The following MEIS2 variants were observed in gnomAD, a reference collection of about 807,000 sequenced individuals.
MEIS2 encodes homeobox protein Meis2.
Under a neutral mutation model 58.6 loss-of-function variants are expected in MEIS2, and 9 were observed. That is an observed-to-expected ratio of 0.15 (90% CI 0.09 to 0.27). The LOEUF is 0.27. MEIS2 is among the 10% of genes least tolerant of loss of function. The probability of loss-of-function intolerance (pLI) is 1.00; values close to 1 mark genes in which losing one functional copy is unlikely to be tolerated. For synonymous variants in MEIS2, 221 were observed against 228.4 expected (o/e 0.97, Z 0.29); for missense variants, 427 against 635.0 (o/e 0.67, Z 3.52).
intron 8 of MEIS2, among the ~76,000 whole-genome samples, chr15:36,953,219 G>T (rs1229300067): frequency 6.6e-6 from 1 of 152,094 alleles, no homozygotes; most frequent in East Asian, 1.9e-4. Context: ...TACATTTAAG[G>T]CCAAACTGTG....
chr15:37,074,652 G>T (rs191982197), intron 7 of MEIS2, among the ~76,000 whole-genome samples: 1 of 151,900 alleles, frequency 6.6e-6, no homozygotes, highest in African/African-American at 2.4e-5. Flanking sequence ...AGGAACCAAC[G>T]GTTACTGGTT....
At chr15:37,018,098 G>A (rs2061410177) in intron 8 of MEIS2, among the ~76,000 whole-genome samples, 1 of 152,124 alleles carries the variant, frequency 6.6e-6, no homozygotes, top group South Asian at 2.1e-4. Flanking sequence ...AATGGAGACT[G>A]TTAACAAGTT....
At chr15:36,970,319 G>A (rs893026079) in intron 8 of MEIS2, among the ~76,000 whole-genome samples, 16 of 151,822 alleles carry the variant, frequency 1.1e-4, no homozygotes, top group Non-Finnish European at 1.8e-4. Flanking sequence ...CAGGAGAATG[G>A]CGTGAACCCG....
chr15:37,023,995 C>T (rs972216972), intron 8 of MEIS2, among the ~76,000 whole-genome samples: 6 of 150,744 alleles, frequency 4.0e-5, no homozygotes, highest in South Asian at 2.1e-4. Context: ...CTGCAACCTC[C>T]GCCCCCAGGG....
rs1176206096 is a variant in MEIS2 at position 37,074,432 on chromosome 15, G to A, written c.754+9339C>T. Among the ~76,000 whole-genome samples, 3 of 151,894 alleles carry A rather than the reference G, an allele frequency of 2.0e-5. No individual in the cohort carries two copies. The East Asian group carries it at 5.8e-4, about 29-fold the overall frequency. On this transcript the variant is annotated intron_variant, in intron 7 of 11. Coordinates refer to ENST00000561208, the MANE Select transcript of MEIS2 (RefSeq NM_170675.5). ...TTATACCCCAGATGAAAAGCTTGTG[G>A]CCTCCCTTTATGTTAAAAGATAAAA...
intron 9 of MEIS2, among the ~76,000 whole-genome samples, chr15:36,911,887 A>T (rs985474803): frequency 6.6e-6 from 1 of 152,216 alleles, no homozygotes; most frequent in Admixed American, 6.5e-5. Flanking sequence ...TGGCAAAGCA[A>T]TTCTTAAAAT....
At chr15:36,983,834 C>T (rs558821617) in intron 8 of MEIS2, among the ~76,000 whole-genome samples, 1 of 152,132 alleles carries the variant, frequency 6.6e-6, no homozygotes, top group South Asian at 2.1e-4. Context: ...CCATGTTCTA[C>T]AGTTTTTTAG....
At chr15:37,036,687 G>T in intron 8 of MEIS2, 127 bp downstream of exon 8, 2 of 1,064,670 alleles carry the variant, frequency 1.9e-6, no homozygotes, top group Non-Finnish European at 1.3e-6. Context: ...TAACTAGTCT[G>T]TTAGTCATCA....
chr15:36,933,831 G>A (rs2058068750), intron 9 of MEIS2, among the ~76,000 whole-genome samples: 1 of 152,136 alleles, frequency 6.6e-6, no homozygotes, highest in Non-Finnish European at 1.5e-5. Flanking sequence ...ACTCATAAGG[G>A]TGTTAGGAAA....
chr15:36,971,818 A>T (rs746605984), intron 8 of MEIS2, among the ~76,000 whole-genome samples: 1 of 152,182 alleles, frequency 6.6e-6, no homozygotes, highest in Non-Finnish European at 1.5e-5. Flanking sequence ...TTCTTCATAA[A>T]GGGAGATTTT....
At chr15:36,918,359 G>T (rs1205178302) in intron 9 of MEIS2, among the ~76,000 whole-genome samples, 1 of 152,264 alleles carries the variant, frequency 6.6e-6, no homozygotes, top group Non-Finnish European at 1.5e-5. Flanking sequence ...CTCCTCAAAT[G>T]TAAAATGAGA....
intron 11 of MEIS2, among the ~76,000 whole-genome samples, chr15:36,894,072 T>C (rs1416832499): frequency 6.6e-6 from 1 of 152,198 alleles, no homozygotes; most frequent in East Asian, 1.9e-4. Flanking sequence ...ATCCATTCCT[T>C]CATATTCAGT....
intron 7 of MEIS2, among the ~76,000 whole-genome samples, chr15:37,058,642 G>T (rs903220920): frequency 2.6e-5 from 4 of 152,222 alleles, no homozygotes; most frequent in African/African-American, 9.6e-5. Context: ...AGGTCTAAAT[G>T]ATTTCTGCAT....
chr15:36,970,508 A>C (rs556220101), intron 8 of MEIS2, among the ~76,000 whole-genome samples: 104 of 152,254 alleles, frequency 6.8e-4, no homozygotes, highest in African/African-American at 2.5e-3. Flanking sequence ...ATCTCCCTAC[A>C]AGAAATCAGA....
chr15:36,896,772 T>C, intron 9 of MEIS2, 86 bp from the exon 10 acceptor site: 1 of 1,015,050 alleles, frequency 9.9e-7, no homozygotes, highest in East Asian at 2.4e-5. Flanking sequence ...GAGCACAAAA[T>C]ACAGTCAAAT....
At chr15:37,069,448 C>A (rs147340995) in intron 7 of MEIS2, among the ~76,000 whole-genome samples, 1 of 152,174 alleles carries the variant, frequency 6.6e-6, no homozygotes, top group Non-Finnish European at 1.5e-5. Context: ...TTTTTCTCAT[C>A]ATATGGCAAA....
At position 36,890,127 on chromosome 15, in the gene MEIS2, T is replaced by C. The variant is rs991231460; in HGVS notation, c.*2046A>G. ...TCCAAGTTTAAGTTTGCAGAGATGA[T>C]GAATAATTTCCTTAGCCGGTTGACA... is the stretch of plus-strand genomic sequence containing the variant. On this transcript the variant is annotated 3_prime_UTR_variant, in exon 12 of 12. Coordinates refer to ENST00000561208, the MANE Select transcript of MEIS2 (RefSeq NM_170675.5). The C allele has an allele frequency of 6.6e-6, 1 of 152,216 alleles. No individual in the cohort carries two copies. Among genetic ancestry groups the C allele is most frequent in the Non-Finnish European group, 1.5e-5 (1 of 68,018 alleles). 9.4% of individuals were successfully genotyped at this position (152,216 alleles called of 1,614,324 possible). A position where few individuals can be genotyped will look rare whatever the true frequency, so the allele number is the denominator to read the frequency against.
chr15:37,096,584 G>A, intron 2 of MEIS2, 154 bp from the exon 3 acceptor site: 1 of 890,174 alleles, frequency 1.1e-6, no homozygotes, highest in Non-Finnish European at 1.6e-6. Context: ...CATCAGGCGA[G>A]CCTAAGCCAG....
chr15:36,977,698 C>T (rs568491433), intron 8 of MEIS2, among the ~76,000 whole-genome samples: 9 of 152,314 alleles, frequency 5.9e-5, no homozygotes, highest in African/African-American at 2.2e-4. Flanking sequence ...ACAGCTGACA[C>T]AGAAAGCAGG....
Sources: allele counts gnomAD v4.1 joint callset (sites outside exome capture counted in the v4.1 genomes callset), GRCh38; gene constraint gnomAD v4.1.1; transcripts MANE v1.5; gene names NCBI Gene and HGNC (gene_info 2026-07-23, HGNC 2026-07-21).